The following CLINT1 variants were observed in gnomAD, a reference collection of about 807,000 sequenced individuals.
CLINT1 encodes the protein clathrin interacting protein localized in the trans-Golgi region.
In CLINT1, 15 loss-of-function variants were observed where a neutral mutation model predicts 70.4. The ratio of observed to expected loss-of-function variants is 0.21; its 90% confidence interval spans 0.14 to 0.33. CLINT1 has a LOEUF of 0.33. CLINT1 is among the 10% of genes least tolerant of loss of function. CLINT1 has a pLI of 1.00. For missense variants in CLINT1, 615 were observed against 778.1 expected (o/e 0.79, Z 2.49); for synonymous variants, 227 against 254.7 (o/e 0.89, Z 1.04).
chr5:157,848,889 T>C (rs575239609), intron 1 of CLINT1, among the ~76,000 whole-genome samples: 1 of 152,180 alleles, frequency 6.6e-6, no homozygotes, highest in African/African-American at 2.4e-5. Flanking sequence ...CTCGAACTCC[T>C]AACTTCAAGT....
At chr5:157,850,761 A>G (rs1454484006) in intron 1 of CLINT1, among the ~76,000 whole-genome samples, 1 of 152,056 alleles carries the variant, frequency 6.6e-6, no homozygotes, top group Non-Finnish European at 1.5e-5. Flanking sequence ...AAAAAGGCTC[A>G]GTATGCCTAT....
At chr5:157,818,271 CA>C (rs1762780669) in intron 1 of CLINT1, among the ~76,000 whole-genome samples, 1 of 151,934 alleles carries the variant, frequency 6.6e-6, no homozygotes, top group African/African-American at 2.4e-5. Context: ...TGACCTTTGA[CA>C]AAATTATTTT....
At chr5:157,833,350 CAAA>C (rs1220943032) in intron 1 of CLINT1, among the ~76,000 whole-genome samples, 7 of 107,416 alleles carry the variant, frequency 6.5e-5, no homozygotes, top group East Asian at 5.2e-4. Context: ...AACTCTGTCT[CAAA>C]AAAAAAAAAA....
At chr5:157,836,303 G>T in intron 1 of CLINT1, among the ~76,000 whole-genome samples, 1 of 152,184 alleles carries the variant, frequency 6.6e-6, no homozygotes, top group Non-Finnish European at 1.5e-5. Context: ...TGAGAAAACT[G>T]AGGCACAAAG....
At chr5:157,788,968 G>GAAAAA (rs58634730) in intron 11 of CLINT1, among the ~76,000 whole-genome samples, 7 of 95,564 alleles carry the variant, frequency 7.3e-5, no homozygotes, top group Non-Finnish European at 1.1e-4. Flanking sequence ...CTCCATCTCA[G>GAAAAA]AAAAAAAAAA....
intron 7 of CLINT1, 63 bp from the exon 8 acceptor site, chr5:157,803,782 C>G (rs1373122804): frequency 8.4e-7 from 1 of 1,196,880 alleles, no homozygotes; most frequent in Non-Finnish European, 1.2e-6. Flanking sequence ...TCAGCTCTAT[C>G]CATCTCTAAT....
At chr5:157,824,142 T>C (rs2113239376) in intron 1 of CLINT1, among the ~76,000 whole-genome samples, 1 of 152,340 alleles carries the variant, frequency 6.6e-6, no homozygotes, top group South Asian at 2.1e-4. Context: ...GTCTTTCTTT[T>C]TATGTTTCCA....
chr5:157,811,579 G>A (rs1370036558), intron 5 of CLINT1, among the ~76,000 whole-genome samples: 1 of 151,128 alleles, frequency 6.6e-6, no homozygotes. Flanking sequence ...ACTGCTAAGA[G>A]TGATTAGTTA....
At chr5:157,839,471 G>C (rs1225376708) in intron 1 of CLINT1, among the ~76,000 whole-genome samples, 1 of 151,982 alleles carries the variant, frequency 6.6e-6, no homozygotes, top group Non-Finnish European at 1.5e-5. Context: ...TGTGGTAGCA[G>C]GCAGGCACCT....
At chr5:157,813,713 T>C (rs1298216932) in intron 4 of CLINT1, among the ~76,000 whole-genome samples, 2 of 152,218 alleles carry the variant, frequency 1.3e-5, no homozygotes, top group Non-Finnish European at 2.9e-5. Context: ...ATTTTTAAAG[T>C]GCTTACAAGT....
At chr5:157,794,824 T>G (rs770195303) in intron 9 of CLINT1, 74 bp downstream of exon 9, 4 of 1,048,984 alleles carry the variant, frequency 3.8e-6, no homozygotes, top group Non-Finnish European at 5.8e-6. Context: ...AGAAGCTGAC[T>G]TGGGGGGAAT....
intron 1 of CLINT1, among the ~76,000 whole-genome samples, chr5:157,840,591 C>T (rs1450794895): frequency 3.6e-5 from 5 of 139,162 alleles, no homozygotes; most frequent in East Asian, 2.1e-4. Flanking sequence ...TATGTGTGTG[C>T]GTTTGCGTAA....
intron 4 of CLINT1, among the ~76,000 whole-genome samples, chr5:157,813,787 T>A (rs990294654): frequency 2.0e-5 from 3 of 152,202 alleles, no homozygotes; most frequent in Admixed American, 1.3e-4. Context: ...AAACACACTG[T>A]GGCCTTGCTG....
intron 4 of CLINT1, among the ~76,000 whole-genome samples, chr5:157,813,959 C>T (rs1439969108): frequency 2.0e-5 from 3 of 152,156 alleles, no homozygotes; most frequent in African/African-American, 7.2e-5. Flanking sequence ...AATATAAACC[C>T]GAACACTCAT....
intron 1 of CLINT1, among the ~76,000 whole-genome samples, chr5:157,830,796 C>CTATATATATATA (rs369160163): frequency 1.7e-4 from 15 of 85,718 alleles, no homozygotes; most frequent in African/African-American, 7.6e-4. Context: ...CTCTCTCTCT[C>CTATATATATATA]TATATATATA....
intron 10 of CLINT1, among the ~76,000 whole-genome samples, chr5:157,791,316 C>T (rs752776167): frequency 1.3e-5 from 2 of 152,180 alleles, no homozygotes; most frequent in African/African-American, 2.4e-5. Context: ...CCTCAGCCTC[C>T]GAAAGTGCTG....
Position 157,839,427 on chromosome 5 carries a change from C to T in CLINT1, c.41+19503G>A, listed in dbSNP as rs549948388. 9.9e-5 allele frequency among the ~76,000 whole-genome samples: 15 copies of T among 151,968 alleles called. No homozygotes were observed. In the East Asian group the frequency reaches 2.3e-3, roughly 24 times the overall value. On this transcript the variant is annotated intron_variant, in intron 1 of 11. Coordinates refer to ENST00000411809, the MANE Select transcript of CLINT1 (RefSeq NM_014666.4). Reference sequence around the variant, plus strand: ...ACCAACTTGGCCAACATGGTGAAACCGCATCTCTACTAAAAATACAAAAAT... The same window carrying T: ...ACCAACTTGGCCAACATGGTGAAACTGCATCTCTACTAAAAATACAAAAAT...
chr5:157,843,338 A>G (rs1364715092), intron 1 of CLINT1, among the ~76,000 whole-genome samples: 1 of 152,232 alleles, frequency 6.6e-6, no homozygotes, highest in Non-Finnish European at 1.5e-5. Flanking sequence ...AATGGTAAAT[A>G]ATTTACAAAC....
chr5:157,843,031 A>G (rs951589094), intron 1 of CLINT1, among the ~76,000 whole-genome samples: 3 of 152,190 alleles, frequency 2.0e-5, no homozygotes, highest in African/African-American at 7.2e-5. Context: ...CAAATATCCA[A>G]GGTACTCAAA....
Sources: allele counts gnomAD v4.1 joint callset (sites outside exome capture counted in the v4.1 genomes callset), GRCh38; gene constraint gnomAD v4.1.1; transcripts MANE v1.5; gene names NCBI Gene and HGNC (gene_info 2026-07-23, HGNC 2026-07-21).